The following PTPRD variants were observed in gnomAD, a reference collection of about 807,000 sequenced individuals.
PTPRD encodes receptor-type tyrosine-protein phosphatase delta.
In PTPRD, 34 loss-of-function variants were observed where a neutral mutation model predicts 214.5. That is an observed-to-expected ratio of 0.16 (90% CI 0.12 to 0.21). PTPRD has a LOEUF of 0.21. Ranked by LOEUF, PTPRD falls within the 10% of genes least tolerant of loss-of-function variation. PTPRD has a pLI of 1.00. For missense variants in PTPRD, 2,545 were observed against 2,398.7 expected (o/e 1.06, Z -1.27); for synonymous variants, 1,128 against 845.7 (o/e 1.33, Z -5.79).
At chr9:8,869,114 T>A (rs890578051) in intron 11 of PTPRD, among the ~76,000 whole-genome samples, 2 of 152,144 alleles carry the variant, frequency 1.3e-5, no homozygotes, top group Admixed American at 1.3e-4. Flanking sequence ...AACTCCCTCC[T>A]TGGAAGCAAA....
chr9:8,772,119 A>T (rs74825481), intron 11 of PTPRD, among the ~76,000 whole-genome samples: 2 of 151,648 alleles, frequency 1.3e-5, no homozygotes, highest in African/African-American at 4.9e-5. Flanking sequence ...TTAAAAAAAA[A>T]CTATTCCTTC....
At position 10,425,327 on chromosome 9, in the gene PTPRD, C is replaced by T. The variant is rs567372244; in HGVS notation, c.-599-84310G>A. ...TCAGTGTTGCACATACTTTACAACACATTAAACCAATATTTCCCTCTTCTA... is the reference window on the plus strand; with the variant it reads ...TCAGTGTTGCACATACTTTACAACATATTAAACCAATATTTCCCTCTTCTA... On this transcript the variant is annotated intron_variant, in intron 2 of 45. Coordinates refer to ENST00000381196, the MANE Select transcript of PTPRD (RefSeq NM_002839.4). 2.0e-5 allele frequency among the ~76,000 whole-genome samples: 3 copies of T among 152,082 alleles called. No individual in the cohort carries two copies. In the South Asian group the frequency reaches 6.2e-4, roughly 31 times the overall value.
At chr9:8,481,139 CAAAAAAAAAAAAA>C (rs34451513) in intron 30 of PTPRD, among the ~76,000 whole-genome samples, 8 of 39,462 alleles carry the variant, frequency 2.0e-4, no homozygotes, top group Admixed American at 6.8e-4. Flanking sequence ...GACTCCGTCT[CAAAAAAAAAAAAA>C]AAAAAAAAAA....
intron 35 of PTPRD, among the ~76,000 whole-genome samples, chr9:8,435,759 A>G (rs538197932): frequency 5.3e-5 from 8 of 151,924 alleles, no homozygotes; most frequent in African/African-American, 1.9e-4. Flanking sequence ...ACAGGCTTTT[A>G]ATTTACCTCC....
At chr9:9,506,592 G>T (rs1451729703) in intron 8 of PTPRD, among the ~76,000 whole-genome samples, 2 of 151,310 alleles carry the variant, frequency 1.3e-5, no homozygotes, top group Non-Finnish European at 3.0e-5. Context: ...GAATGTATCA[G>T]ATTGTCTCTA....
At chr9:9,369,797 A>T (rs1181380605) in intron 9 of PTPRD, among the ~76,000 whole-genome samples, 1 of 152,186 alleles carries the variant, frequency 6.6e-6, no homozygotes, top group African/African-American at 2.4e-5. Context: ...ATAAGGTGTA[A>T]GGAAGGGATC....
chr9:10,018,582 C>T (rs2154116441), intron 4 of PTPRD, among the ~76,000 whole-genome samples: 1 of 97,166 alleles, frequency 1.0e-5, no homozygotes, highest in Admixed American at 1.8e-4. Flanking sequence ...GAGTCTCGCT[C>T]TGTCGCCCAG....
chr9:10,061,416 G>A (rs941692653), intron 3 of PTPRD, among the ~76,000 whole-genome samples: 4 of 152,040 alleles, frequency 2.6e-5, no homozygotes, highest in Non-Finnish European at 4.4e-5. Flanking sequence ...CATTTATACT[G>A]TTCTTCCAAC....
intron 5 of PTPRD, among the ~76,000 whole-genome samples, chr9:9,815,081 A>G (rs1162360326): frequency 6.6e-6 from 1 of 152,146 alleles, no homozygotes; most frequent in Non-Finnish European, 1.5e-5. Flanking sequence ...ACAAAGCTTG[A>G]TGCACTACAT....
intron 14 of PTPRD, among the ~76,000 whole-genome samples, chr9:8,576,197 T>C (rs778504963): frequency 5.3e-5 from 8 of 152,168 alleles, no homozygotes; most frequent in African/African-American, 1.9e-4. Context: ...ATTGTTGGCA[T>C]AGAATACCTG....
intron 10 of PTPRD, among the ~76,000 whole-genome samples, chr9:9,076,620 A>G (rs565682943): frequency 1.3e-5 from 2 of 152,176 alleles, no homozygotes; most frequent in South Asian, 2.1e-4. Flanking sequence ...GTTGTTGCAA[A>G]TGACAGGATC....
At chr9:9,959,508 A>T (rs2094197115) in intron 4 of PTPRD, among the ~76,000 whole-genome samples, 1 of 152,212 alleles carries the variant, frequency 6.6e-6, no homozygotes, top group South Asian at 2.1e-4. Flanking sequence ...TAAAAAATTT[A>T]GCAGATTGGA....
chr9:8,711,230 A>C (rs2098326963), intron 12 of PTPRD, among the ~76,000 whole-genome samples: 1 of 151,530 alleles, frequency 6.6e-6, no homozygotes, highest in African/African-American at 2.4e-5. Context: ...TAATTAAGGA[A>C]GCTCATTTAG....
intron 11 of PTPRD, among the ~76,000 whole-genome samples, chr9:8,740,477 G>T (rs934486917): frequency 6.6e-6 from 1 of 152,166 alleles, no homozygotes; most frequent in Non-Finnish European, 1.5e-5. Context: ...ATTCTTAAAT[G>T]TATGCAGGGC....
chr9:9,023,654 C>G (rs536395316), intron 10 of PTPRD, among the ~76,000 whole-genome samples: 7 of 151,882 alleles, frequency 4.6e-5, no homozygotes, highest in Non-Finnish European at 8.8e-5. Context: ...GCTCACATCC[C>G]CCGCTCTCCC....
intron 9 of PTPRD, among the ~76,000 whole-genome samples, chr9:9,298,335 A>C (rs1207909805): frequency 6.6e-6 from 1 of 151,662 alleles, no homozygotes; most frequent in Non-Finnish European, 1.5e-5. Flanking sequence ...ATATATGCTG[A>C]TTCCCTGGAA....
chr9:9,490,043 A>C (rs2095834598), intron 8 of PTPRD, among the ~76,000 whole-genome samples: 1 of 152,130 alleles, frequency 6.6e-6, no homozygotes, highest in Non-Finnish European at 1.5e-5. Context: ...GAGATCCTCC[A>C]TAAGATTATG....
At chr9:9,644,789 A>T (rs941294399) in intron 7 of PTPRD, among the ~76,000 whole-genome samples, 1 of 152,188 alleles carries the variant, frequency 6.6e-6, no homozygotes, top group Non-Finnish European at 1.5e-5. Flanking sequence ...AGAGGAGCAG[A>T]GTGGCTTGGC....
At chr9:9,589,297 A>T (rs2092455368) in intron 7 of PTPRD, among the ~76,000 whole-genome samples, 1 of 151,922 alleles carries the variant, frequency 6.6e-6, no homozygotes, top group South Asian at 2.1e-4. Flanking sequence ...CTACATAGAA[A>T]ATTTAGATGT....
Sources: gnomAD v4.1 joint callset for allele counts (sites outside exome capture counted in the v4.1 genomes callset) on GRCh38, gnomAD v4.1.1 for gene constraint, MANE v1.5 for transcripts, NCBI Gene and HGNC (gene_info 2026-07-23, HGNC 2026-07-21) for gene names.